The following KANSL1L variants were observed in gnomAD, a reference collection of about 807,000 sequenced individuals.
KANSL1L encodes KAT8 regulatory NSL complex subunit 1 like.
A neutral mutation model predicts 108.6 loss-of-function variants in KANSL1L; 25 were observed. The ratio of observed to expected loss-of-function variants is 0.23; its 90% confidence interval spans 0.17 to 0.32. The LOEUF is 0.32. Ranked by LOEUF, KANSL1L falls within the 10% of genes least tolerant of loss-of-function variation. The pLI is 1.00. For synonymous variants in KANSL1L, 405 were observed against 395.1 expected, an observed-to-expected ratio of 1.03 and a Z score of -0.30; for missense variants, 1,137 against 1,125.7, an observed-to-expected ratio of 1.01 and a Z score of -0.14.
At chr2:210,169,984 T>C (rs1276332282) in intron 1 of KANSL1L, among the ~76,000 whole-genome samples, 1 of 152,206 alleles carries the variant, frequency 6.6e-6, no homozygotes, top group African/African-American at 2.4e-5. Flanking sequence ...TATGAAACTT[T>C]ACAAAAACGA....
At chr2:210,089,494 G>A (rs1461561025) in intron 5 of KANSL1L, among the ~76,000 whole-genome samples, 1 of 152,070 alleles carries the variant, frequency 6.6e-6, no homozygotes, top group Non-Finnish European at 1.5e-5. Flanking sequence ...ATTAACACTA[G>A]TAACTACTTT....
chr2:210,079,648 A>ATGTATGTG lies in KANSL1L; in HGVS notation c.1551-3893_1551-3892insCACATACA, dbSNP rs1553653241. On this transcript the variant is annotated intron_variant, in intron 5 of 14. Transcript: ENST00000281772. ...TATATATATATATATATATATATAT[A>ATGTATGTG]TATATATATATATATATGTATGTGT... is the stretch of plus-strand genomic sequence containing the variant. Among the ~76,000 whole-genome samples, 33 of 15,192 alleles carry ATGTATGTG rather than the reference A, an allele frequency of 2.2e-3. 1 individual carries two copies. The highest frequency in any genetic ancestry group is 3.8e-3 in the African/African-American group (17 of 4,428). 10.0% of individuals were successfully genotyped at this position (15,192 alleles called of 152,430 possible).
chr2:210,053,067 G>T (rs1575426724), intron 6 of KANSL1L, among the ~76,000 whole-genome samples: 1 of 152,286 alleles, frequency 6.6e-6, no homozygotes, highest in East Asian at 1.9e-4. Context: ...CTAACCTTAT[G>T]CTCATCAATA....
Position 210,075,753 on chromosome 2 carries a change from T to G in KANSL1L, c.1554A>C (p.Ala518=), listed in dbSNP as rs374718745. 6.2e-7 allele frequency: 1 copy of G among 1,610,254 alleles called. No homozygotes were observed. The highest frequency in any genetic ancestry group is 1.3e-5 in the African/African-American group (1 of 74,830). The change falls in exon 6 of 15, where the codon GCA becomes GCC. Residue 518 remains alanine (A), a synonymous_variant. Transcript: ENST00000281772. ...AAGACAGCTCATCTAAATTCTCTGA[T>G]GCACTGAAATGCCATGAAATAATTA... ...KCLANGIYRS[A]SENLDELSSS... is the part of the protein sequence containing the mutation.
intron 4 of KANSL1L, among the ~76,000 whole-genome samples, chr2:210,102,579 C>T (rs558103316): frequency 1.2e-3 from 179 of 151,950 alleles, no homozygotes; most frequent in South Asian, 9.4e-3. Flanking sequence ...TGACAAAGGG[C>T]TAATATCCAA....
rs529578677 is a variant in KANSL1L, at chr2:210,151,167, C to T, written c.1088+2328G>A. ...GGTAGCTGGGACTACAGGTGCACACCACCATGCCGGGCTAATTTTTGTATT... is the reference window on the plus strand; with the variant it reads ...GGTAGCTGGGACTACAGGTGCACACTACCATGCCGGGCTAATTTTTGTATT... On this transcript the variant is annotated intron_variant, in intron 2 of 14. Coordinates refer to ENST00000281772, the MANE Select transcript of KANSL1L (RefSeq NM_152519.4). Among the ~76,000 whole-genome samples the T allele has an allele frequency of 4.3e-4, 65 of 152,184 alleles. 1 individual carries two copies. The highest frequency in any genetic ancestry group is 1.5e-3 in the African/African-American group (62 of 41,526).
chr2:210,032,760 T>A (rs2125145370), intron 8 of KANSL1L: 1 of 152,220 alleles, frequency 6.6e-6, no homozygotes, highest in Admixed American at 6.5e-5. Context: ...TTTAACTGAG[T>A]ATCACAGCTT....
At chr2:210,029,691 G>A (rs936832512) in intron 10 of KANSL1L, 112 bp downstream of exon 10, 4 of 484,586 alleles carry the variant, frequency 8.3e-6, no homozygotes, top group African/African-American at 2.8e-5. Flanking sequence ...ATAAATGTCT[G>A]TTAATATGTG....
intron 1 of KANSL1L, among the ~76,000 whole-genome samples, chr2:210,163,878 C>T (rs1039929518): frequency 1.3e-5 from 2 of 152,002 alleles, no homozygotes; most frequent in African/African-American, 4.8e-5. Context: ...TTTTATGGCA[C>T]ATAGCAGGCT....
rs147588276 is a variant in KANSL1L at position 210,133,742 on chromosome 2, C to T, written c.1089-4570G>A. Among the ~76,000 whole-genome samples the T allele has an allele frequency of 8.1e-4, 123 of 152,234 alleles. 1 individual carries two copies. Among genetic ancestry groups the T allele is most frequent in the African/African-American group, 2.9e-3 (119 of 41,578 alleles). On this transcript the variant is annotated intron_variant, in intron 2 of 14. Transcript: ENST00000281772. The stretch of plus-strand genomic sequence containing the variant: ...CTGCATCCCTCAAATTCTGATATGT[C>T]ATGTTTCTAATATTATTCAGTTCAA...
intron 7 of KANSL1L, among the ~76,000 whole-genome samples, chr2:210,042,979 T>G (rs188156982): frequency 2.0e-5 from 3 of 152,184 alleles, no homozygotes; most frequent in African/African-American, 7.2e-5. Context: ...AAAAGCTAAG[T>G]TGAGATATCC....
Position 210,024,085 on chromosome 2 carries a change from T to C in KANSL1L, c.2681A>G (p.Gln894Arg). ...ASPPGLPSEN[Q>R]DLCAYGLPSL... Reference sequence around the variant, plus strand: ...AGGTAAGCCATATGCACACAGATCCTGGTTCTCTGAAGGAAGCCCAGGAGG... The same window carrying C: ...AGGTAAGCCATATGCACACAGATCCCGGTTCTCTGAAGGAAGCCCAGGAGG... The change falls in exon 14 of 15, where the codon CAG becomes CGG. Residue 894 changes from glutamine to arginine, a missense_variant. Gln to Arg is a conservative substitution (Grantham distance 43). Around this residue, in one of 3 missense-constraint regions of KANSL1L, gnomAD observed 575 missense variants for 567.1 expected, o/e 1.01. Transcript: ENST00000281772. 6.2e-7 allele frequency: 1 copy of C among 1,608,360 alleles called. No individual in the cohort carries two copies. The highest frequency in any genetic ancestry group is 8.5e-7 in the Non-Finnish European group (1 of 1,177,072).
intron 6 of KANSL1L, among the ~76,000 whole-genome samples, chr2:210,070,224 CTTTTTTTTTTTTT>C (rs71043971): frequency 3.1e-4 from 24 of 77,564 alleles, no homozygotes; most frequent in Middle Eastern, 0.024. Flanking sequence ...TTTCTCCGTT[CTTTTTTTTTTTTT>C]TTTTTTTTTT....
At chr2:210,095,802 G>A (rs1223043151) in intron 5 of KANSL1L, among the ~76,000 whole-genome samples, 1 of 152,060 alleles carries the variant, frequency 6.6e-6, no homozygotes, top group Non-Finnish European at 1.5e-5. Context: ...AAAAAGTAGA[G>A]AAAGTATTAC....
rs191935941 is a variant in KANSL1L, at chr2:210,160,456, C to T, written c.-29-5845G>A. On this transcript the variant is annotated intron_variant, in intron 1 of 14. Transcript: ENST00000281772. ...GAAAATCCCAAGGGATTGAACTCCTCGACTAATGAATTTAATAAGGCAGCA... is the reference window on the plus strand; with the variant it reads ...GAAAATCCCAAGGGATTGAACTCCTTGACTAATGAATTTAATAAGGCAGCA... Among the ~76,000 whole-genome samples, 193 of 152,198 alleles carry T rather than the reference C, an allele frequency of 1.3e-3. 1 individual carries two copies. The highest frequency in any genetic ancestry group is 4.3e-3 in the African/African-American group (179 of 41,516).
intron 8 of KANSL1L, among the ~76,000 whole-genome samples, chr2:210,036,182 T>C (rs2094100902): frequency 6.6e-6 from 1 of 152,132 alleles, no homozygotes; most frequent in East Asian, 1.9e-4. Flanking sequence ...TTATATCTTC[T>C]TTATATAATT....
chr2:210,025,307 A>T (rs1222947719), intron 12 of KANSL1L, 91 bp from the exon 13 acceptor site: 1 of 727,220 alleles, frequency 1.4e-6, no homozygotes, highest in East Asian at 2.9e-5. Context: ...CTGTAATCCC[A>T]ACACTTTGGA....
chr2:210,103,454 G>A (rs945387935), intron 4 of KANSL1L, among the ~76,000 whole-genome samples: 3 of 151,928 alleles, frequency 2.0e-5, no homozygotes, highest in African/African-American at 4.8e-5. Context: ...ATGTACCCTA[G>A]AACTTAAAGT....
Position 210,031,430 on chromosome 2 carries a change from T to A in KANSL1L, c.2146A>T (p.Thr716Ser). The change falls in exon 9 of 15, where the codon ACA becomes TCA. Residue 716 changes from threonine (T) to serine (S), a missense_variant. Physicochemically the swap from Thr to Ser is moderately conservative, Grantham distance 58. This residue lies in a region of KANSL1L where 575 missense variants were observed against 567.1 expected (regional missense o/e 1.01). Coordinates refer to ENST00000281772, the MANE Select transcript of KANSL1L (RefSeq NM_152519.4). ...CCTCACTTTAACCTACCTAATGCTG[T>A]TTCACTCAAATGTCTTTTCTTTCTT... ...QGRKKRHLSETALGERTKLEE... is the reference protein window; with the variant it reads ...QGRKKRHLSESALGERTKLEE... 3 of 1,598,408 alleles carry A rather than the reference T, an allele frequency of 1.9e-6. No homozygotes were observed. Among genetic ancestry groups the A allele is most frequent in the Non-Finnish European group, 8.6e-7 (1 of 1,168,716 alleles).
Sources: gnomAD v4.1 joint callset for allele counts (sites outside exome capture counted in the v4.1 genomes callset) on GRCh38, gnomAD v4.1.1 for gene constraint, gnomAD v4.1.1 regional missense constraint, MANE v1.5 for transcripts, NCBI Gene and HGNC (gene_info 2026-07-23, HGNC 2026-07-21) for gene names.